KCP: variants seen among roughly 807,000 people sequenced by gnomAD.
KCP encodes the protein kielin cysteine rich BMP regulator.
In KCP, 194 loss-of-function variants were observed where a neutral mutation model predicts 212.7. The ratio of observed to expected loss-of-function variants is 0.91; its 90% CI spans 0.81 to 1.03. KCP has a LOEUF of 1.03. Among genes scored for constraint, KCP ranks in the 50% least tolerant of loss-of-function variants. The pLI is 0.00. For synonymous variants in KCP, 833 were observed against 865.3 expected (o/e 0.96, Z 0.65); for missense variants, 2,080 against 2,162.5 (o/e 0.96, Z 0.76).
At chr7:128,890,131 G>T (rs1793997621) in intron 21 of KCP, 4 of 765,626 alleles carry the variant, frequency 5.2e-6, no homozygotes, top group Admixed American at 5.6e-5. Flanking sequence ...TGTTGCCCAG[G>T]CTGGTCTTGA....
chr7:128,880,325 G>C (rs1050555432), intron 34 of KCP, 61 bp downstream of exon 34: 1 of 1,466,456 alleles, frequency 6.8e-7, no homozygotes, highest in Non-Finnish European at 9.1e-7. Flanking sequence ...GTCACACCAG[G>C]ATGGCGGTAC....
In KCP at chr7:128,901,394, A is replaced by AG. The variant is rs1276495315; in HGVS notation, c.831+1382dup. On this transcript the variant is annotated intron_variant, in intron 8 of 39. Coordinates refer to ENST00000610776, the MANE Select transcript of KCP (RefSeq NM_001366122.1). ...GTAATCCCAGCACTGTGGGAGGCAG[A>AG]GGGGGGCGGATCACGAGGTCAGGAG... 3.9e-5 allele frequency among the ~76,000 whole-genome samples: 6 copies of AG among 152,264 alleles called. No individual in the cohort carries two copies. In the East Asian group the frequency reaches 7.7e-4, roughly 20 times the overall value.
rs10611826 is a variant in KCP at position 128,882,755 on chromosome 7, AAAACAAACAAAC to A, written c.3245-751_3245-740del. Reference sequence around the variant, plus strand: ...ACATTTTAGTGTCTTACCACCATAAAAAACAAACAAACAAACAAACAAACAAAAAACAGAAAA... The same window carrying A: ...ACATTTTAGTGTCTTACCACCATAAAAAACAAACAAACAAAAAACAGAAAA... On this transcript the variant is annotated intron_variant, in intron 29 of 39. Transcript: ENST00000610776. Among the ~76,000 whole-genome samples, 611 of 151,734 alleles carry A rather than the reference AAAACAAACAAAC, an allele frequency of 4.0e-3. 4 individuals carry two copies. The highest frequency in any genetic ancestry group is 0.014 in the African/African-American group (573 of 41,284).
intron 29 of KCP, among the ~76,000 whole-genome samples, chr7:128,882,961 A>T (rs1028678860): frequency 7.8e-6 from 1 of 127,568 alleles, no homozygotes. Flanking sequence ...AATCCCAGCT[A>T]CTCGGGAGGC....
At chr7:128,881,859 C>A in intron 30 of KCP, 78 bp downstream of exon 30, 4 of 1,439,340 alleles carry the variant, frequency 2.8e-6, no homozygotes, top group Non-Finnish European at 3.8e-6. Context: ...GGAGCTGCTG[C>A]GGGAGAGGAG....
At position 128,904,087 on chromosome 7, in the gene KCP, C is replaced by A. The variant is rs559193131; in HGVS notation, c.623G>T (p.Ser208Ile). The A allele has an allele frequency of 6.4e-7, 1 of 1,551,568 alleles. No homozygotes were observed. Among genetic ancestry groups the A allele is most frequent in the African/African-American group, 1.4e-5 (1 of 73,074 alleles). Residue 208 changes from serine to isoleucine, a missense_variant, in exon 6 of 40, where the codon AGC (serine) becomes ATC (isoleucine). Coordinates refer to ENST00000610776, the MANE Select transcript of KCP (RefSeq NM_001366122.1). Reference sequence around the variant, plus strand: ...GGTGCACTGTAGACAAGGGTTGGAGCTGGACAGGAAGGTGACCCCCTCCTC... The same window carrying A: ...GGTGCACTGTAGACAAGGGTTGGAGATGGACAGGAAGGTGACCCCCTCCTC... The part of the protein sequence containing the change: ...LYEEGVTFLS[S>I]SNPCLQCTCL...
At chr7:128,896,742 T>C (rs1365309968) in intron 8 of KCP, among the ~76,000 whole-genome samples, 1 of 151,684 alleles carries the variant, frequency 6.6e-6, no homozygotes, top group African/African-American at 2.4e-5. Flanking sequence ...AATACAAAAA[T>C]TAGCTGGGCG....
chr7:128,891,773 G>C lies in KCP; in HGVS notation c.1668C>G (p.Ser556=), dbSNP rs113639990. 3.2e-3 allele frequency: 4,700 copies of C among 1,450,420 alleles called. 147 individuals carry two copies. The African/African-American group carries it at 0.061, about 19-fold the overall frequency. 89.8% of individuals were successfully genotyped at this position (1,450,420 alleles called of 1,614,324 possible). The change falls in exon 17 of 40, where the codon TCC becomes TCG. Residue 556 remains serine, a synonymous_variant. Coordinates refer to ENST00000610776, the MANE Select transcript of KCP (RefSeq NM_001366122.1). ...EEVFVDGESF[S]HPRDPCQECR... is the part of the protein sequence containing the mutation. ...ACTCCTGGCAGGGGTCTCGGGGGTGGGAGAAGCTCTCGCCGTCCACAAACA... is the reference window on the plus strand; with the variant it reads ...ACTCCTGGCAGGGGTCTCGGGGGTGCGAGAAGCTCTCGCCGTCCACAAACA...
Position 128,908,425 on chromosome 7 carries a change from C to T in KCP, c.219+1G>A, listed in dbSNP as rs951448738. 1.9e-6 allele frequency: 3 copies of T among 1,551,140 alleles called. No individual in the cohort carries two copies. Among genetic ancestry groups the T allele is most frequent in the African/African-American group, 1.4e-5 (1 of 73,150 alleles). ...GCAAACCAGCACTGTCTCCATGGTA[C>T]CTGTTCTCTGAGCTCCATCACTGCA... On this transcript the variant is annotated splice_donor_variant, in intron 2 of 39. Coordinates refer to ENST00000610776, the MANE Select transcript of KCP (RefSeq NM_001366122.1). LOFTEE classifies it high-confidence loss of function.
rs777599328 is a variant in KCP at position 128,886,888 on chromosome 7, G to A, written c.2677C>T (p.Pro893Ser). The change falls in exon 24 of 40, where the codon CCT (proline) becomes TCT (serine). Residue 893 changes from proline to serine, a missense_variant. Physicochemically the swap from Pro to Ser is moderately conservative, Grantham distance 74. Transcript: ENST00000610776. ...GAAGGCAGCTCACTGTGGCAAACAG[G>A]GCAGAAGCAGGGGCCTGGAGAGGGG... ...PHPSPGPCFCPVCHSCLSQGR... is the reference protein window; with the variant it reads ...PHPSPGPCFCSVCHSCLSQGR... The A allele has an allele frequency of 6.5e-7, 1 of 1,529,648 alleles. No homozygotes were observed. Among genetic ancestry groups the A allele is most frequent in the Non-Finnish European group, 8.8e-7 (1 of 1,132,780 alleles). 94.8% of individuals were successfully genotyped at this position (1,529,648 alleles called of 1,614,324 possible). A position where few individuals can be genotyped will look rare whatever the true frequency, so the allele number is the denominator to read the frequency against.
intron 38 of KCP, 102 bp downstream of exon 38, chr7:128,878,456 A>AC (rs1188781598): frequency 3.6e-5 from 47 of 1,294,900 alleles, no homozygotes; most frequent in Non-Finnish European, 4.7e-5. Context: ...ATCTTGTGTG[A>AC]CTTCGCCCCC....
chr7:128,907,245 C>G lies in KCP; in HGVS notation c.409+19G>C. On this transcript the variant is annotated intron_variant, in intron 3 of 39. Coordinates refer to ENST00000610776, the MANE Select transcript of KCP (RefSeq NM_001366122.1). ...CAGGTCTTTAGGTGGCCCCAGTGGGCGGATAGGGTGGCACTTACCCCTGCA... is the reference window on the plus strand; with the variant it reads ...CAGGTCTTTAGGTGGCCCCAGTGGGGGGATAGGGTGGCACTTACCCCTGCA... 1 of 1,535,460 alleles carries G rather than the reference C, an allele frequency of 6.5e-7. No homozygotes were observed. The highest frequency in any genetic ancestry group is 8.8e-7 in the Non-Finnish European group (1 of 1,134,564).
At position 128,890,957 on chromosome 7, in the gene KCP, C is replaced by A. The variant is rs1585220434; in HGVS notation, c.2112G>T (p.Pro704=). The change falls in exon 20 of 40, where the codon CCG becomes CCT. Residue 704 remains proline, a synonymous_variant. Transcript: ENST00000610776. The part of the protein sequence containing the change: ...GSVSCQRLPC[P]PAPCAHPRQG... ...GGCGCGGGTGCGCGCAGGGCGCGGG[C>A]GGGCAGGGCAGCCGCTGGCAGGACA... The A allele has an allele frequency of 8.0e-7, 1 of 1,255,592 alleles. No homozygotes were observed. Among genetic ancestry groups the A allele is most frequent in the East Asian group, 3.2e-5 (1 of 30,998 alleles). The allele number at this position is 1,255,592 out of a possible 1,614,324, so 77.8% of individuals were successfully genotyped here. A position where few individuals can be genotyped will look rare whatever the true frequency, so the allele number is the denominator to read the frequency against.
chr7:128,890,984 G>C lies in KCP; in HGVS notation c.2085C>G (p.Ser695=). The C allele has an allele frequency of 7.6e-7, 1 of 1,311,736 alleles. No homozygotes were observed. Among genetic ancestry groups the C allele is most frequent in the Non-Finnish European group, 9.7e-7 (1 of 1,036,158 alleles). 81.3% of individuals were successfully genotyped at this position (1,311,736 alleles called of 1,614,324 possible). A position where few individuals can be genotyped will look rare whatever the true frequency, so the allele number is the denominator to read the frequency against. Residue 695 remains serine (S), a synonymous_variant, in exon 20 of 40, where the codon TCC becomes TCG. Transcript: ENST00000610776. ...GGCAGGGCAGCCGCTGGCAGGACAC[G>C]GAGCCGTCGAGGCAGAGGCAGCGGC... ...PCRRCLCLDG[S]VSCQRLPCPP...
chr7:128,899,520 G>A (rs1356248666), intron 8 of KCP, among the ~76,000 whole-genome samples: 4 of 152,180 alleles, frequency 2.6e-5, no homozygotes, highest in African/African-American at 9.6e-5. Flanking sequence ...CATGGACTCT[G>A]ACATTATCTA....
rs1793154405 is a variant in KCP at position 128,878,979 on chromosome 7, C to T, written c.4147-257G>A. On this transcript the variant is annotated intron_variant, in intron 37 of 39. Transcript: ENST00000610776. ...TGCATGAGGGCACCTTCTCCTGCTG[C>T]CATCCCTGCACTGGGCCCCAGGTGA... is the stretch of plus-strand genomic sequence containing the variant. 3 of 505,492 alleles carry T rather than the reference C, an allele frequency of 5.9e-6. No homozygotes were observed. The East Asian group carries it at 9.6e-5, about 16-fold the overall frequency. The allele number at this position is 505,492 out of a possible 1,614,324, so 31.3% of individuals were successfully genotyped here.
chr7:128,886,718 C>T lies in KCP; in HGVS notation c.2709G>A (p.Arg903=). The part of the protein sequence containing the change: ...PVCHSCLSQG[R]EHQDGEEFEG... ...CAAACTCCTCCCCATCCTGGTGCTC[C>T]CGGCCCTGAGAGAGACAGCCTGTGG... The change falls in exon 25 of 40, where the codon CGG becomes CGA. Residue 903 remains arginine, a synonymous_variant. Coordinates refer to ENST00000610776, the MANE Select transcript of KCP (RefSeq NM_001366122.1). The T allele has an allele frequency of 1.3e-6, 2 of 1,551,632 alleles. No homozygotes were observed. The highest frequency in any genetic ancestry group is 1.7e-6 in the Non-Finnish European group (2 of 1,146,912).
intron 38 of KCP, 94 bp downstream of exon 38, chr7:128,878,464 C>A: frequency 2.2e-6 from 3 of 1,363,134 alleles, no homozygotes; most frequent in Non-Finnish European, 3.0e-6. Flanking sequence ...TGACTTCGCC[C>A]CCCTTCCCTG....
rs1026846611 is a variant in KCP, at chr7:128,891,105, A to C, written c.1973-9T>G. On this transcript the variant is annotated splice_polypyrimidine_tract_variant and intron_variant, in intron 19 of 39. Coordinates refer to ENST00000610776, the MANE Select transcript of KCP (RefSeq NM_001366122.1). ...GGCGGGGGCTGGGGCGGCTGCGGCG[A>C]GACAGCGCATCAAAGGGGCCCAGGA... 2 of 1,468,502 alleles carry C rather than the reference A, an allele frequency of 1.4e-6. No individual in the cohort carries two copies. Among genetic ancestry groups the C allele is most frequent in the Admixed American group, 4.9e-5 (2 of 40,912 alleles). 91.0% of individuals were successfully genotyped at this position (1,468,502 alleles called of 1,614,324 possible). A position where few individuals can be genotyped will look rare whatever the true frequency, so the allele number is the denominator to read the frequency against.
Sources: allele counts gnomAD v4.1 joint callset (sites outside exome capture counted in the v4.1 genomes callset), GRCh38; gene constraint gnomAD v4.1.1; transcripts MANE v1.5; gene names NCBI Gene and HGNC (gene_info 2026-07-23, HGNC 2026-07-21).